The following ZNF528 variants were observed in gnomAD, a reference collection of about 807,000 sequenced individuals.
ZNF528 encodes the protein zinc finger protein 528.
Under a neutral mutation model 13.3 loss-of-function variants are expected in ZNF528, and 9 were observed. The ratio of observed to expected loss-of-function variants is 0.67; its 90% CI spans 0.41 to 1.18. The LOEUF (loss-of-function observed/expected upper bound fraction) is 1.18. ZNF528 is among the 50% of genes most tolerant of loss of function. The pLI is 0.01. For synonymous variants in ZNF528, 264 were observed against 254.3 expected (o/e 1.04, Z -0.36); for missense variants, 858 against 745.4 (o/e 1.15, Z -1.76).
chr19:52,401,042 T>C (rs915742403), intron 2 of ZNF528, among the ~76,000 whole-genome samples: 8 of 152,234 alleles, frequency 5.3e-5, no homozygotes, highest in Admixed American at 5.2e-4. Flanking sequence ...AATTTAGTCC[T>C]TAAACCTGTT....
chr19:52,401,564 C>A, intron 2 of ZNF528, 121 bp from the exon 3 acceptor site: 2 of 800,520 alleles, frequency 2.5e-6, no homozygotes, highest in Non-Finnish European at 3.5e-6. Context: ...AACTACACAG[C>A]CCCCTTTCCT....
chr19:52,414,313 T>C (rs1231542748), intron 6 of ZNF528: 1 of 702,510 alleles, frequency 1.4e-6, no homozygotes, highest in Non-Finnish European at 2.6e-6. Flanking sequence ...AGTTGCCACC[T>C]GCACAGACCT....
At chr19:52,406,808 AT>A in intron 6 of ZNF528, 165 bp downstream of exon 6, 1 of 915,754 alleles carries the variant, frequency 1.1e-6, no homozygotes, top group Non-Finnish European at 1.5e-6. Flanking sequence ...AAGTGTTGGG[AT>A]TACAGCCATG....
At chr19:52,414,908 G>C (rs1309628269) in intron 6 of ZNF528, 1 of 1,486,322 alleles carries the variant, frequency 6.7e-7, no homozygotes, top group South Asian at 1.2e-5. Flanking sequence ...GTCTGTTTCA[G>C]ATTTACCCAT....
Position 52,416,275 on chromosome 19 carries a change from A to G in ZNF528, c.1423A>G (p.Arg475Gly). 6.2e-7 allele frequency: 1 copy of G among 1,614,120 alleles called. No homozygotes were observed. Among genetic ancestry groups the G allele is most frequent in the Non-Finnish European group, 8.5e-7 (1 of 1,180,000 alleles). Residue 475 changes from arginine to glycine, a missense_variant, in exon 7 of 7, where the codon AGG becomes GGG. By Grantham distance (125) the Arg-to-Gly change is moderately radical. Coordinates refer to ENST00000360465, the MANE Select transcript of ZNF528 (RefSeq NM_032423.3). ...YECKECGKVF[R>G]YKSSLTSHHR... ...ATGTAAAGAATGTGGCAAAGTCTTC[A>G]GGTACAAGTCTTCTCTAACCAGTCA...
Position 52,405,762 on chromosome 19 carries a change from A to G in ZNF528, c.16-145A>G. On this transcript the variant is annotated intron_variant, in intron 4 of 6. Transcript: ENST00000360465. ...ATATAATAAAACCACAATTACAGAC[A>G]CGTAACTGGCTCAAGAATACCTTAA... is the stretch of plus-strand genomic sequence containing the variant. 2.9e-6 allele frequency: 3 copies of G among 1,029,758 alleles called. No homozygotes were observed. In the South Asian group the frequency reaches 4.1e-5, roughly 14 times the overall value. 63.8% of individuals were successfully genotyped at this position (1,029,758 alleles called of 1,614,324 possible). A position where few individuals can be genotyped will look rare whatever the true frequency, so the allele number is the denominator to read the frequency against.
intron 6 of ZNF528, among the ~76,000 whole-genome samples, chr19:52,409,497 A>G (rs114778701): frequency 0.017 from 2,654 of 151,840 alleles, 84 homozygotes; most frequent in African/African-American, 0.061. Flanking sequence ...ATTTCATTTA[A>G]TTGTCTATCT....
rs200590539 is a variant in ZNF528, at chr19:52,406,036, G to A, written c.142+3G>A. 2.6e-3 allele frequency: 4,241 copies of A among 1,609,216 alleles called. 6 individuals carry two copies. The highest frequency in any genetic ancestry group is 3.3e-3 in the Non-Finnish European group (3,837 of 1,176,934). On this transcript the variant is annotated splice_donor_region_variant and intron_variant, in intron 5 of 6. Coordinates refer to ENST00000360465, the MANE Select transcript of ZNF528 (RefSeq NM_032423.3). ...TTATAGGAACCTGGTCTCCCTGGGTGAGGATAATGTCCCCTCAGAAGCCGG... is the reference window on the plus strand; with the variant it reads ...TTATAGGAACCTGGTCTCCCTGGGTAAGGATAATGTCCCCTCAGAAGCCGG...
At chr19:52,398,893 C>T (rs2058759489) in intron 2 of ZNF528, among the ~76,000 whole-genome samples, 1 of 151,862 alleles carries the variant, frequency 6.6e-6, no homozygotes, top group African/African-American at 2.4e-5. Context: ...CTAAGGGTGC[C>T]AGAGAGTGGG....
chr19:52,413,412 A>G (rs1464280522), intron 6 of ZNF528: 2 of 152,230 alleles, frequency 1.3e-5, no homozygotes, highest in East Asian at 3.9e-4. Context: ...CACCGAATAC[A>G]GATTCTAGCA....
Position 52,406,552 on chromosome 19 carries a change from A to G in ZNF528, c.180A>G (p.Leu60=), listed in dbSNP as rs372148892. ...CLPDLSVTSM[L]EQKRDPWTLQ... ...CTGACCTGAGTGTTACCTCCATGTT[A>G]GAGCAAAAGAGAGATCCCTGGACTC... Residue 60 remains leucine, a synonymous_variant, in exon 6 of 7, where the codon TTA becomes TTG. Coordinates refer to ENST00000360465, the MANE Select transcript of ZNF528 (RefSeq NM_032423.3). The G allele has an allele frequency of 1.4e-4, 232 of 1,613,970 alleles. No homozygotes were observed. The highest frequency in any genetic ancestry group is 1.9e-4 in the Non-Finnish European group (220 of 1,179,994).
Position 52,415,165 on chromosome 19 carries a change from T to G in ZNF528, c.313T>G (p.Cys105Gly). 6.2e-7 allele frequency: 1 copy of G among 1,610,472 alleles called. No individual in the cohort carries two copies. Among genetic ancestry groups the G allele is most frequent in the Non-Finnish European group, 8.5e-7 (1 of 1,178,242 alleles). ...GGGAAGTAATGCAGGAAACAAGCCT[T>G]GTAAAAATCAACTTGGATTCACTTT... ...KLGSNAGNKP[C>G]KNQLGFTFQL... The change falls in exon 7 of 7, where the codon TGT (cysteine) becomes GGT (glycine). Residue 105 changes from cysteine (C) to glycine (G), a missense_variant. By Grantham distance (159) the Cys-to-Gly change is radical. Transcript: ENST00000360465.
rs368794439 is a variant in ZNF528, at chr19:52,406,507, A to G, written c.143-8A>G. The G allele has an allele frequency of 1.3e-4, 202 of 1,612,100 alleles. 1 individual carries two copies. In the African/African-American group the frequency reaches 1.8e-3, roughly 14 times the overall value. The stretch of plus-strand genomic sequence containing the variant: ...ACAGCACACATTTATTCTTTCTTTT[A>G]TAAATAGGAATCTGTCTTCCTGACC... On this transcript the variant is annotated splice_region_variant and splice_polypyrimidine_tract_variant and intron_variant, in intron 5 of 6. Coordinates refer to ENST00000360465, the MANE Select transcript of ZNF528 (RefSeq NM_032423.3).
At chr19:52,408,202 A>G (rs1174067662) in intron 6 of ZNF528, 3 of 147,570 alleles carry the variant, frequency 2.0e-5, no homozygotes, top group Non-Finnish European at 3.0e-5. Flanking sequence ...TTTTTCTGAG[A>G]TGGAGTCTCC....
In ZNF528 at chr19:52,415,995, C is replaced by A; in HGVS notation, c.1143C>A (p.Tyr381Ter). 3 of 1,614,100 alleles carry A rather than the reference C, an allele frequency of 1.9e-6. No individual in the cohort carries two copies. The highest frequency in any genetic ancestry group is 2.5e-6 in the Non-Finnish European group (3 of 1,180,026). ...HQLIHTGRKPYKCKECDKVFG... is the reference protein window; with the variant it reads ...HQLIHTGRKP The stretch of plus-strand genomic sequence containing the variant: ...TAATTCACACTGGAAGGAAACCTTA[C>A]AAATGTAAAGAATGTGACAAGGTCT... The change falls in exon 7 of 7, where the codon TAC becomes TAA. Residue 381 changes from tyrosine (Y) to a stop codon, truncating the protein, a stop_gained. Transcript: ENST00000360465. LOFTEE classifies it low-confidence loss of function (END_TRUNC).
chr19:52,408,905 C>T (rs1033405081), intron 6 of ZNF528, among the ~76,000 whole-genome samples: 10 of 152,256 alleles, frequency 6.6e-5, no homozygotes, highest in East Asian at 1.9e-4. Flanking sequence ...TTAAAGATAC[C>T]GTCCAGAGTG....
In ZNF528 at chr19:52,415,383, G is replaced by T. The variant is rs1439861040; in HGVS notation, c.531G>T (p.Gln177His). 10 of 1,613,914 alleles carry T rather than the reference G, an allele frequency of 6.2e-6. No individual in the cohort carries two copies. The highest frequency in any genetic ancestry group is 8.5e-6 in the Non-Finnish European group (10 of 1,180,030). Residue 177 changes from glutamine (Q) to histidine (H), a missense_variant, in exon 7 of 7, where the codon CAG becomes CAT. Coordinates refer to ENST00000360465, the MANE Select transcript of ZNF528 (RefSeq NM_032423.3). ...ATGCTCCATTACTTCCACAAGAACA[G>T]AAAGCACACATTAGGGAAAAAGCTT... Reference protein sequence around the residue: ...FDHAPLLPQEQKAHIREKAYK... With the variant: ...FDHAPLLPQEHKAHIREKAYK...
At chr19:52,398,913 G>A (rs1356435256) in intron 2 of ZNF528, among the ~76,000 whole-genome samples, 1 of 152,152 alleles carries the variant, frequency 6.6e-6, no homozygotes, top group Non-Finnish European at 1.5e-5. Flanking sequence ...GGACAGGGGT[G>A]TGTAATATCG....
intron 4 of ZNF528, among the ~76,000 whole-genome samples, chr19:52,405,029 A>G (rs950911853): frequency 6.6e-6 from 1 of 151,666 alleles, no homozygotes; most frequent in Non-Finnish European, 1.5e-5. Context: ...CATCCTGGCC[A>G]ACATGGTGAA....
Sources: gnomAD v4.1 joint callset for allele counts (sites outside exome capture counted in the v4.1 genomes callset) on GRCh38, gnomAD v4.1.1 for gene constraint, MANE v1.5 for transcripts, NCBI Gene and HGNC (gene_info 2026-07-23, HGNC 2026-07-21) for gene names.